The following CTNNB1 variants were observed in gnomAD, a reference collection of about 807,000 sequenced individuals.
CTNNB1 encodes the protein catenin beta 1, also known as catenin beta-1.
In CTNNB1, 6 loss-of-function variants were observed where a neutral mutation model predicts 82.5. The ratio of observed to expected loss-of-function variants is 0.07; its 90% CI spans 0.04 to 0.14. The LOEUF (loss-of-function observed/expected upper bound fraction) is 0.14. Among genes scored for constraint, CTNNB1 ranks in the 10% least tolerant of loss-of-function variants. The pLI, the probability that CTNNB1 is intolerant of heterozygous loss-of-function variation, is 1.00. For synonymous variants in CTNNB1, 312 were observed against 329.7 expected (o/e 0.95, Z 0.58); for missense variants, 529 against 980.4 (o/e 0.54, Z 6.15).
chr3:41,203,686 G>T (rs1311665838), intron 1 of CTNNB1, among the ~76,000 whole-genome samples: 1 of 152,230 alleles, frequency 6.6e-6, no homozygotes, highest in East Asian at 1.9e-4. Context: ...TGACCATAGG[G>T]TTGGTCTCAT....
chr3:41,236,384 A>G lies in CTNNB1; in HGVS notation c.1839A>G (p.Val613=). 1 of 1,614,206 alleles carries G rather than the reference A, an allele frequency of 6.2e-7. No homozygotes were observed. The highest frequency in any genetic ancestry group is 1.1e-5 in the South Asian group (1 of 91,084). ...LYSPIENIQR[V]AAGVLCELAQ... ...CTCCCATTGAAAACATCCAAAGAGTAGCTGCAGGGGTCCTCTGTGAACTTG... is the reference window on the plus strand; with the variant it reads ...CTCCCATTGAAAACATCCAAAGAGTGGCTGCAGGGGTCCTCTGTGAACTTG... Residue 613 remains valine (V), a synonymous_variant, in exon 12 of 15, where the codon GTA becomes GTG. Transcript: ENST00000349496.
chr3:41,238,422 CCT>C (rs2078491883), intron 14 of CTNNB1: 1 of 243,680 alleles, frequency 4.1e-6, no homozygotes, highest in East Asian at 9.0e-5. Context: ...TAGGAAAACT[CCT>C]GTTTCTAGGC....
At chr3:41,201,275 T>C (rs762363340) in intron 1 of CTNNB1, among the ~76,000 whole-genome samples, 3 of 152,232 alleles carry the variant, frequency 2.0e-5, no homozygotes, top group Non-Finnish European at 4.4e-5. Context: ...ATTTCTACTT[T>C]GGAGGCTTTT....
At position 41,233,255 on chromosome 3, in the gene CTNNB1, C is replaced by T. The variant is rs1289806656; in HGVS notation, c.1082-86C>T. 2.7e-5 allele frequency: 29 copies of T among 1,080,742 alleles called. No homozygotes were observed. In the Admixed American group the frequency reaches 3.1e-4, roughly 12 times the overall value. 66.9% of individuals were successfully genotyped at this position (1,080,742 alleles called of 1,614,324 possible). ...AGTAAACTCTGGAAATACAGAAGGA[C>T]ACCTCCTAAGGCTAGAACAGATATT... On this transcript the variant is annotated intron_variant, in intron 7 of 14. Transcript: ENST00000349496.
chr3:41,220,134 T>C (rs1372766038), intron 1 of CTNNB1, among the ~76,000 whole-genome samples: 4 of 152,136 alleles, frequency 2.6e-5, no homozygotes, highest in Admixed American at 6.5e-5. Context: ...AAGACAGTTA[T>C]GAAGAACAGC....
chr3:41,224,651 A>T lies in CTNNB1; in HGVS notation c.139A>T (p.Ser47Cys), dbSNP rs2125617683. The T allele has an allele frequency of 6.2e-7, 1 of 1,613,942 alleles. No homozygotes were observed. Among genetic ancestry groups the T allele is most frequent in the Non-Finnish European group, 8.5e-7 (1 of 1,179,946 alleles). ...SGATTTAPSL[S>C]GKGNPEEEDV... ...TGCCACTACCACAGCTCCTTCTCTG[A>T]GTGGTAAAGGCAATCCTGAGGAAGA... The change falls in exon 3 of 15, where the codon AGT becomes TGT. Residue 47 changes from serine to cysteine, a missense_variant. Around this residue, in one of 4 missense-constraint regions of CTNNB1, gnomAD observed 411 missense variants for 776.4 expected, o/e 0.53. Transcript: ENST00000349496.
rs1390901267 is a variant in CTNNB1, at chr3:41,201,789, T to TG, written c.-49+2119_-49+2120insG. Among the ~76,000 whole-genome samples, 6 of 152,098 alleles carry TG rather than the reference T, an allele frequency of 3.9e-5. No homozygotes were observed. The South Asian group carries it at 1.2e-3, about 32-fold the overall frequency. Reference sequence around the variant, plus strand: ...ATGGAAGAGGGGTTTTTTAAACTGTTATCTGATTATTTCTTTTACCAACAT... The same window carrying TG: ...ATGGAAGAGGGGTTTTTTAAACTGTTGATCTGATTATTTCTTTTACCAACAT... On this transcript the variant is annotated intron_variant, in intron 1 of 14. Transcript: ENST00000349496.
At chr3:41,214,590 A>G (rs2077872357) in intron 1 of CTNNB1, among the ~76,000 whole-genome samples, 1 of 152,128 alleles carries the variant, frequency 6.6e-6, no homozygotes, top group South Asian at 2.1e-4. Flanking sequence ...TTAGTAACAT[A>G]TTAACCCACT....
intron 7 of CTNNB1, among the ~76,000 whole-genome samples, chr3:41,231,581 T>G (rs1030631902): frequency 2.4e-4 from 36 of 152,204 alleles, no homozygotes; most frequent in Admixed American, 2.4e-3. Flanking sequence ...GGATCCAAAT[T>G]CTAAACGGTT....
chr3:41,210,181 C>T (rs577684210), intron 1 of CTNNB1, among the ~76,000 whole-genome samples: 8 of 152,186 alleles, frequency 5.3e-5, no homozygotes, highest in African/African-American at 1.2e-4. Flanking sequence ...GGGCCAGGCG[C>T]GGTGGCTCAC....
Position 41,233,351 on chromosome 3 carries a change from A to G in CTNNB1, c.1092A>G (p.Gln364=). The change falls in exon 8 of 15, where the codon CAA becomes CAG. Residue 364 remains glutamine, a synonymous_variant. Coordinates refer to ENST00000349496, the MANE Select transcript of CTNNB1 (RefSeq NM_001904.4). ...KPAIVEAGGM[Q]ALGLHLTDPS... is the part of the protein sequence containing the mutation. Reference sequence around the variant, plus strand: ...TTTTTAATTTTCTAGGTGGAATGCAAGCTTTAGGACTTCACCTGACAGATC... The same window carrying G: ...TTTTTAATTTTCTAGGTGGAATGCAGGCTTTAGGACTTCACCTGACAGATC... The G allele has an allele frequency of 6.2e-7, 1 of 1,614,206 alleles. No individual in the cohort carries two copies.
At chr3:41,220,398 A>ACACCCT (rs201609071) in intron 1 of CTNNB1, among the ~76,000 whole-genome samples, 3,355 of 142,356 alleles carry the variant, frequency 0.024, 66 homozygotes, top group African/African-American at 0.05. Context: ...ACCCACACCC[A>ACACCCT]CACCCTCACC....
In CTNNB1 at chr3:41,199,513, C is replaced by T. The variant is rs965738891; in HGVS notation, c.-206C>T. The T allele has an allele frequency of 2.6e-5, 4 of 152,624 alleles. No individual in the cohort carries two copies. The highest frequency in any genetic ancestry group is 1.9e-4 in the East Asian group (1 of 5,148). 9.5% of individuals were successfully genotyped at this position (152,624 alleles called of 1,614,324 possible). On this transcript the variant is annotated 5_prime_UTR_variant, in exon 1 of 15. Coordinates refer to ENST00000349496, the MANE Select transcript of CTNNB1 (RefSeq NM_001904.4). ...TTGTGCGGCGCCATTTTAAGCCTCT[C>T]GGTCTGTGGCAGCAGCGTTGGCCCG... is the stretch of plus-strand genomic sequence containing the variant.
intron 1 of CTNNB1, among the ~76,000 whole-genome samples, chr3:41,200,946 C>G (rs2077516076): frequency 6.6e-6 from 1 of 152,120 alleles, no homozygotes; most frequent in Non-Finnish European, 1.5e-5. Flanking sequence ...CAGAGGTCGG[C>G]AAAAGGAAAT....
intron 1 of CTNNB1, among the ~76,000 whole-genome samples, chr3:41,215,639 A>G (rs543707682): frequency 3.2e-4 from 48 of 152,186 alleles, no homozygotes; most frequent in South Asian, 1.2e-3. Context: ...TCTTTCTTTA[A>G]AAGGTCAGCG....
intron 6 of CTNNB1, 28 bp from the exon 7 acceptor site, chr3:41,227,176 GACTA>G: frequency 3.2e-6 from 5 of 1,570,152 alleles, no homozygotes; most frequent in Non-Finnish European, 4.4e-6. Context: ...AAGATTCCTT[GACTA>G]ACAAGATATA....
chr3:41,234,856 T>G (rs1046184621), intron 10 of CTNNB1: 9 of 163,118 alleles, frequency 5.5e-5, no homozygotes, highest in Admixed American at 4.6e-4. Context: ...CTAATGACAT[T>G]TCTGATTTCT....
At chr3:41,202,586 C>T (rs544880990) in intron 1 of CTNNB1, among the ~76,000 whole-genome samples, 2 of 152,222 alleles carry the variant, frequency 1.3e-5, no homozygotes, top group Admixed American at 6.5e-5. Flanking sequence ...GTTTGTCCAT[C>T]GTATGTAGCC....
At position 41,240,307 on chromosome 3, in the gene CTNNB1, G is replaced by C. The variant is rs991637481; in HGVS notation, c.*965G>C. 5.2e-6 allele frequency: 1 copy of C among 191,862 alleles called. No homozygotes were observed. Among genetic ancestry groups the C allele is most frequent in the Admixed American group, 6.1e-5 (1 of 16,292 alleles). The allele number at this position is 191,862 out of a possible 1,614,324, so 11.9% of individuals were successfully genotyped here. A position where few individuals can be genotyped will look rare whatever the true frequency, so the allele number is the denominator to read the frequency against. Reference sequence around the variant, plus strand: ...TATGGGTAGGGTAAATCAGTAAGAGGTGTTATTTGGAACCTTGTTTTGGAC... The same window carrying C: ...TATGGGTAGGGTAAATCAGTAAGAGCTGTTATTTGGAACCTTGTTTTGGAC... On this transcript the variant is annotated 3_prime_UTR_variant, in exon 15 of 15. Coordinates refer to ENST00000349496, the MANE Select transcript of CTNNB1 (RefSeq NM_001904.4).
Sources: allele counts gnomAD v4.1 joint callset (sites outside exome capture counted in the v4.1 genomes callset), GRCh38; gene constraint gnomAD v4.1.1; regional missense constraint gnomAD v4.1.1; transcripts MANE v1.5; gene names NCBI Gene and HGNC (gene_info 2026-07-23, HGNC 2026-07-21).